Variants in CACNA1E observed in about 807,000 individuals in gnomAD.
CACNA1E encodes the protein calcium voltage-gated channel subunit alpha1 E, also known as voltage-dependent R-type calcium channel subunit alpha-1E.
A neutral mutation model predicts 259.2 loss-of-function variants in CACNA1E; 40 were observed. That is an observed-to-expected ratio of 0.15 (90% CI 0.12 to 0.20). The LOEUF (loss-of-function observed/expected upper bound fraction) is 0.20. CACNA1E is among the 10% of genes least tolerant of loss of function. CACNA1E has a pLI of 1.00. For missense variants in CACNA1E, 1,874 were observed against 3,040.1 expected, an observed-to-expected ratio of 0.62 and a Z score of 9.02; for synonymous variants, 1,104 against 1,138.5, an observed-to-expected ratio of 0.97 and a Z score of 0.61.
At chr1:181,739,397 A>G in intron 25 of CACNA1E, 144 bp downstream of exon 25, 1 of 662,324 alleles carries the variant, frequency 1.5e-6, no homozygotes, top group Non-Finnish European at 2.7e-6. Flanking sequence ...AGTCGCCCCC[A>G]GCAGAGCTCC....
At chr1:181,357,094 C>A (rs528549287) in intron 1 of CACNA1E, among the ~76,000 whole-genome samples, 2 of 152,262 alleles carry the variant, frequency 1.3e-5, no homozygotes, top group East Asian at 3.9e-4. Context: ...AATTCGCTCC[C>A]TTCCTCCCTC....
chr1:181,618,758 T>C (rs905363560), intron 6 of CACNA1E, among the ~76,000 whole-genome samples: 1 of 152,224 alleles, frequency 6.6e-6, no homozygotes, highest in African/African-American at 2.4e-5. Flanking sequence ...ATCACTGTTG[T>C]ATTCCCAGCA....
intron 1 of CACNA1E, among the ~76,000 whole-genome samples, chr1:181,393,771 G>A (rs1656462833): frequency 6.6e-6 from 1 of 152,198 alleles, no homozygotes; most frequent in African/African-American, 2.4e-5. Context: ...AAGGACTGGT[G>A]ATCTTTTCTG....
At chr1:181,482,930 C>G (rs775763994), upstream of CACNA1E, among the ~76,000 whole-genome samples, 1 of 152,294 alleles carries the variant, frequency 6.6e-6, no homozygotes, top group Non-Finnish European at 1.5e-5. Context: ...GGCACTCAGG[C>G]TTCGCTGCTC....
chr1:181,571,673 T>A (rs1442924150), intron 3 of CACNA1E, among the ~76,000 whole-genome samples: 2 of 152,246 alleles, frequency 1.3e-5, no homozygotes, highest in African/African-American at 4.8e-5. Context: ...GTTAAACATC[T>A]AACATCCTTT....
At chr1:181,359,603 C>T (rs1271662999) in intron 1 of CACNA1E, among the ~76,000 whole-genome samples, 2 of 152,104 alleles carry the variant, frequency 1.3e-5, no homozygotes, top group East Asian at 3.9e-4. Context: ...AGTTCCGATA[C>T]TCTATGGCTC....
chr1:181,770,275 G>A (rs1054848422), intron 35 of CACNA1E, among the ~76,000 whole-genome samples: 1 of 152,206 alleles, frequency 6.6e-6, no homozygotes, highest in Non-Finnish European at 1.5e-5. Context: ...ATTGACTTGT[G>A]AGAATAGGTC....
chr1:181,462,336 C>T (rs1470829293), intron 2 of CACNA1E, among the ~76,000 whole-genome samples: 1 of 152,202 alleles, frequency 6.6e-6, no homozygotes, highest in African/African-American at 2.4e-5. Flanking sequence ...TATTGCCCTA[C>T]CTCCTTCAGG....
chr1:181,750,412 A>C (rs1185386454), intron 25 of CACNA1E, 64 bp from the exon 26 acceptor site: 5 of 1,477,226 alleles, frequency 3.4e-6, no homozygotes, highest in Admixed American at 1.7e-5. Flanking sequence ...TCTCTACCCC[A>C]ACCCCATTTT....
At chr1:181,383,913 T>G (rs1359711520) in intron 1 of CACNA1E, among the ~76,000 whole-genome samples, 1 of 152,222 alleles carries the variant, frequency 6.6e-6, no homozygotes, top group Non-Finnish European at 1.5e-5. Flanking sequence ...ATGCCAGAGA[T>G]CTGGCAGAGG....
At chr1:181,651,649 A>G (rs1658767416) in intron 7 of CACNA1E, 7 of 497,482 alleles carry the variant, frequency 1.4e-5, no homozygotes, top group Middle Eastern at 5.1e-4. Flanking sequence ...GGAATTAAAA[A>G]GTCTTGATGT....
At position 181,798,512 on chromosome 1, in the gene CACNA1E, T is replaced by C; in HGVS notation, c.6620T>C (p.Leu2207Pro). 6.2e-7 allele frequency: 1 copy of C among 1,613,950 alleles called. No individual in the cohort carries two copies. The highest frequency in any genetic ancestry group is 8.5e-7 in the Non-Finnish European group (1 of 1,179,902). Residue 2207 changes from leucine to proline, a missense_variant, in exon 48 of 48, where the codon CTG (leucine) becomes CCG (proline). Physicochemically the swap from Leu to Pro is moderately conservative, Grantham distance 98. Transcript: ENST00000367573. The surrounding 1 kb of genome is among the most constrained non-coding windows in gnomAD (Gnocchi z 4.2). ...GCTCTGGAGAGCAACAATGCTTGCC[T>C]GACCGAGTCTTCCAACTCTCCGCAC... Reference protein sequence around the residue: ...SQALESNNACLTESSNSPHPQ... With the variant: ...SQALESNNACPTESSNSPHPQ...
At chr1:181,349,462 G>C (rs943454142) in intron 1 of CACNA1E, among the ~76,000 whole-genome samples, 6 of 152,220 alleles carry the variant, frequency 3.9e-5, no homozygotes, top group African/African-American at 1.4e-4. Flanking sequence ...ACTCCCAAGT[G>C]CTGGAGGAGT....
intron 41 of CACNA1E, 139 bp from the exon 42 acceptor site, chr1:181,785,179 G>A (rs1660751507): frequency 1.5e-5 from 10 of 652,340 alleles, no homozygotes; most frequent in South Asian, 5.4e-5. Context: ...GCACCATGGG[G>A]GCCCTCAATA....
intron 3 of CACNA1E, among the ~76,000 whole-genome samples, chr1:181,555,195 A>G (rs1648592758): frequency 6.6e-6 from 1 of 152,206 alleles, no homozygotes; most frequent in African/African-American, 2.4e-5. Context: ...ATTTTTAAAA[A>G]ATATTCATAA....
intron 7 of CACNA1E, among the ~76,000 whole-genome samples, chr1:181,676,617 C>G (rs1649405116): frequency 6.6e-6 from 1 of 152,060 alleles, no homozygotes; most frequent in Non-Finnish European, 1.5e-5. Flanking sequence ...AAGCATGAAG[C>G]CCTCCTTAGT....
At chr1:181,755,097 C>G in intron 27 of CACNA1E, 140 bp from the exon 28 acceptor site, 1 of 609,484 alleles carries the variant, frequency 1.6e-6, no homozygotes, top group Non-Finnish European at 2.8e-6. Flanking sequence ...TGAGCACCAC[C>G]TCACCTCTTA....
chr1:181,761,359 G>T (rs1292316052), intron 32 of CACNA1E, among the ~76,000 whole-genome samples: 1 of 152,056 alleles, frequency 6.6e-6, no homozygotes, highest in Non-Finnish European at 1.5e-5. Flanking sequence ...ATGAACATGG[G>T]ATATTTTTCA....
intron 3 of CACNA1E, among the ~76,000 whole-genome samples, chr1:181,573,024 G>A (rs141633770): frequency 1.3e-3 from 199 of 152,286 alleles, no homozygotes; most frequent in Admixed American, 2.0e-3. Context: ...ATTACACAGC[G>A]TAATGGCAGG....
Sources: gnomAD v4.1 joint callset for allele counts (sites outside exome capture counted in the v4.1 genomes callset) on GRCh38, gnomAD v4.1.1 for gene constraint, Gnocchi (gnomAD v3.1) non-coding constraint, MANE v1.5 for transcripts, NCBI Gene and HGNC (gene_info 2026-07-23, HGNC 2026-07-21) for gene names.